Variants in AUTS2 observed in about 807,000 individuals in gnomAD.
The protein encoded by AUTS2 is autism susceptibility gene 2 protein.
A neutral mutation model predicts 112.4 loss-of-function variants in AUTS2; 17 were observed. The ratio of observed to expected loss-of-function variants is 0.15; its 90% CI spans 0.10 to 0.23. AUTS2 has a LOEUF of 0.23. Ranked by LOEUF, AUTS2 falls within the 10% of genes least tolerant of loss-of-function variation. The probability of loss-of-function intolerance (pLI) is 1.00; values close to 1 mark genes in which losing one functional copy is unlikely to be tolerated. For missense variants in AUTS2, 1,510 were observed against 1,701.6 expected (o/e 0.89, Z 1.98); for synonymous variants, 751 against 702.7 (o/e 1.07, Z -1.09).
At chr7:70,496,384 A>T (rs1798505988) in intron 5 of AUTS2, among the ~76,000 whole-genome samples, 1 of 58,974 alleles carries the variant, frequency 1.7e-5, no homozygotes, top group Admixed American at 1.4e-4. Flanking sequence ...CCCCACTCAC[A>T]CACACCACGT....
chr7:69,813,067 A>G (rs561999709), intron 1 of AUTS2, among the ~76,000 whole-genome samples: 1 of 152,272 alleles, frequency 6.6e-6, no homozygotes, highest in African/African-American at 2.4e-5. Flanking sequence ...GGCCTACAAG[A>G]CACTGCACGG....
chr7:69,676,814 CTTTTTTCTTTTTTT>C (rs1002386566), intron 1 of AUTS2, among the ~76,000 whole-genome samples: 1 of 83,994 alleles, frequency 1.2e-5, no homozygotes, highest in African/African-American at 4.8e-5. Context: ...TGGTTTTTTT[CTTTTTTCTTTTTTT>C]TTTTTAAAGT....
At chr7:70,377,840 G>A (rs1022125956) in intron 4 of AUTS2, among the ~76,000 whole-genome samples, 1 of 148,886 alleles carries the variant, frequency 6.7e-6, no homozygotes, top group African/African-American at 2.5e-5. Flanking sequence ...GCGCAATCTC[G>A]GCTCACTGCA....
At chr7:70,286,372 C>T (rs1788458262) in intron 4 of AUTS2, among the ~76,000 whole-genome samples, 1 of 152,188 alleles carries the variant, frequency 6.6e-6, no homozygotes, top group Non-Finnish European at 1.5e-5. Flanking sequence ...AGTTTGGAGT[C>T]GCAGGGTCCT....
chr7:69,773,924 G>T (rs192966519), intron 1 of AUTS2, among the ~76,000 whole-genome samples: 37 of 152,368 alleles, frequency 2.4e-4, no homozygotes, highest in Admixed American at 2.2e-3. Flanking sequence ...ACCAGTGCCA[G>T]TCAGTGCCTC....
At chr7:70,286,922 C>CA (rs779642373) in intron 4 of AUTS2, among the ~76,000 whole-genome samples, 3 of 152,132 alleles carry the variant, frequency 2.0e-5, no homozygotes, top group Non-Finnish European at 2.9e-5. Flanking sequence ...GAACTTTGAT[C>CA]ATAGGGGTCT....
chr7:70,615,603 T>A (rs201368498), intron 5 of AUTS2, among the ~76,000 whole-genome samples: 3 of 148,702 alleles, frequency 2.0e-5, no homozygotes, highest in East Asian at 3.9e-4. Flanking sequence ...TTGTTGTTGT[T>A]GGAAAAGCAT....
chr7:69,926,816 A>G (rs1472861300), intron 2 of AUTS2, among the ~76,000 whole-genome samples: 1 of 146,830 alleles, frequency 6.8e-6, no homozygotes, highest in Admixed American at 6.8e-5. Flanking sequence ...ATAAAGATAT[A>G]TAAGATATAT....
At chr7:70,308,023 G>A (rs1435330044) in intron 4 of AUTS2, among the ~76,000 whole-genome samples, 1 of 152,160 alleles carries the variant, frequency 6.6e-6, no homozygotes, top group Non-Finnish European at 1.5e-5. Context: ...TTTTGCTTTG[G>A]TATAGAAGTT....
Position 70,789,986 on chromosome 7 carries a change from C to G in AUTS2, c.2770C>G (p.His924Asp). The G allele has an allele frequency of 3.7e-6, 6 of 1,609,702 alleles. No homozygotes were observed. Among genetic ancestry groups the G allele is most frequent in the Non-Finnish European group, 5.1e-6 (6 of 1,178,100 alleles). Residue 924 changes from histidine (H) to aspartate (D), a missense_variant, in exon 19 of 19, where the codon CAC becomes GAC. His to Asp is a moderately conservative substitution (Grantham distance 81). Transcript: ENST00000342771. ...CCTGCCCGAGAAGGACGGGCACGGC[C>G]ACGAGGGGCGCGCCGCGGGCGAAGA... ...GHLPEKDGHG[H>D]EGRAAGEEAK...
intron 5 of AUTS2, among the ~76,000 whole-genome samples, chr7:70,657,199 G>T (rs1286599534): frequency 6.6e-6 from 1 of 152,132 alleles, no homozygotes; most frequent in African/African-American, 2.4e-5. Context: ...TGTCTTTGGT[G>T]TGTGTAGCTG....
At position 70,053,544 on chromosome 7, in the gene AUTS2, G is replaced by GTTTTTTTTTTTTTTTTTTTTTTTTTTTTT. The variant is rs200867539; in HGVS notation, c.523-64576_523-64575insTTTTTTTTTTTTTTTTTTTTTTTTTTTTT. Among the ~76,000 whole-genome samples the GTTTTTTTTTTTTTTTTTTTTTTTTTTTTT allele has an allele frequency of 3.4e-4, 43 of 127,814 alleles. 2 individuals are homozygous for GTTTTTTTTTTTTTTTTTTTTTTTTTTTTT. The highest frequency in any genetic ancestry group is 4.6e-4 in the East Asian group (2 of 4,344). The allele number at this position is 127,814 out of a possible 152,430, so 83.9% of individuals were successfully genotyped here. A position where few individuals can be genotyped will look rare whatever the true frequency, so the allele number is the denominator to read the frequency against. On this transcript the variant is annotated intron_variant, in intron 2 of 18. Coordinates refer to ENST00000342771, the MANE Select transcript of AUTS2 (RefSeq NM_015570.4). Reference sequence around the variant, plus strand: ...ATTGTGGCAACCACTGTTTTGGGTGGTTTTTTTTTTTTGGAGACAGGATCT... The same window carrying GTTTTTTTTTTTTTTTTTTTTTTTTTTTTT: ...ATTGTGGCAACCACTGTTTTGGGTGGTTTTTTTTTTTTTTTTTTTTTTTTTTTTTTTTTTTTTTTTTGGAGACAGGATCT...
Position 70,791,431 on chromosome 7 carries a change from A to G in AUTS2, c.*435A>G, listed in dbSNP as rs1280384746. On this transcript the variant is annotated 3_prime_UTR_variant, in exon 19 of 19. Transcript: ENST00000342771. ...CATGAGCTAATGGTTCATATATGCAAAAGGGTAAGATGAAAGCTTTACTTT... is the reference window on the plus strand; with the variant it reads ...CATGAGCTAATGGTTCATATATGCAGAAGGGTAAGATGAAAGCTTTACTTT... The G allele has an allele frequency of 6.3e-6, 1 of 158,736 alleles. No individual in the cohort carries two copies. The highest frequency in any genetic ancestry group is 1.4e-5 in the Non-Finnish European group (1 of 72,512). 9.8% of individuals were successfully genotyped at this position (158,736 alleles called of 1,614,324 possible). A position where few individuals can be genotyped will look rare whatever the true frequency, so the allele number is the denominator to read the frequency against.
At chr7:69,730,610 A>G (rs1429126047) in intron 1 of AUTS2, among the ~76,000 whole-genome samples, 2 of 152,208 alleles carry the variant, frequency 1.3e-5, no homozygotes, top group African/African-American at 2.4e-5. Flanking sequence ...GCTCATCTAT[A>G]AAGCTGGGAT....
intron 6 of AUTS2, among the ~76,000 whole-genome samples, chr7:70,749,483 A>G (rs1788667526): frequency 6.6e-6 from 1 of 152,148 alleles, no homozygotes; most frequent in Non-Finnish European, 1.5e-5. Context: ...GTGAGCTGGT[A>G]GATTGTTTGG....
chr7:70,702,225 A>G (rs1357469814), intron 6 of AUTS2, among the ~76,000 whole-genome samples: 1 of 152,210 alleles, frequency 6.6e-6, no homozygotes, highest in East Asian at 1.9e-4. Flanking sequence ...GAGGAAGGAC[A>G]ACACTAGTCA....
intron 2 of AUTS2, among the ~76,000 whole-genome samples, chr7:69,935,190 G>A (rs1296491140): frequency 3.3e-5 from 5 of 152,010 alleles, no homozygotes; most frequent in Non-Finnish European, 5.9e-5. Flanking sequence ...AAGGACGGAG[G>A]GGATCTTTGG....
At chr7:70,718,448 A>T (rs1276322764) in intron 6 of AUTS2, among the ~76,000 whole-genome samples, 3 of 152,190 alleles carry the variant, frequency 2.0e-5, no homozygotes, top group African/African-American at 7.2e-5. Context: ...GGATCACTTG[A>T]GGTCAGGAGT....
rs552144984 is a variant in AUTS2 at position 70,662,186 on chromosome 7, A to C, written c.691-36383A>C. On this transcript the variant is annotated intron_variant, in intron 5 of 18. Coordinates refer to ENST00000342771, the MANE Select transcript of AUTS2 (RefSeq NM_015570.4). ...AAGCTCTGCATTATTCTCCCAGCCC[A>C]CTGCAGAATGCCTTCTGCCCATTGC... 7.9e-5 allele frequency among the ~76,000 whole-genome samples: 12 copies of C among 152,358 alleles called. No homozygotes were observed. The East Asian group carries it at 2.3e-3, about 29-fold the overall frequency.
Sources: allele counts gnomAD v4.1 joint callset (sites outside exome capture counted in the v4.1 genomes callset), GRCh38; gene constraint gnomAD v4.1.1; transcripts MANE v1.5; gene names NCBI Gene and HGNC (gene_info 2026-07-23, HGNC 2026-07-21).